The following TOM1L2 variants were observed in gnomAD, a reference collection of about 807,000 sequenced individuals.
The protein encoded by TOM1L2 is TOM1-like protein 2.
A neutral mutation model predicts 67.9 loss-of-function variants in TOM1L2; 31 were observed. The ratio of observed to expected loss-of-function variants is 0.46; its 90% CI spans 0.34 to 0.62. The LOEUF is 0.62. Ranked by LOEUF, TOM1L2 falls within the 20% of genes least tolerant of loss-of-function variation. The pLI, the probability that TOM1L2 is intolerant of heterozygous loss-of-function variation, is 0.01. For missense variants in TOM1L2, 606 were observed against 663.5 expected, an observed-to-expected ratio of 0.91 and a Z score of 0.95; for synonymous variants, 256 against 254.0, an observed-to-expected ratio of 1.01 and a Z score of -0.07.
At chr17:17,883,070 C>G (rs1325320047) in intron 5 of TOM1L2, among the ~76,000 whole-genome samples, 1 of 152,208 alleles carries the variant, frequency 6.6e-6, no homozygotes, top group East Asian at 1.9e-4. Flanking sequence ...GCTCCTCCCT[C>G]TACTTACCTC....
At chr17:17,860,536 G>A (rs2036499261) in intron 12 of TOM1L2, among the ~76,000 whole-genome samples, 1 of 152,204 alleles carries the variant, frequency 6.6e-6, no homozygotes, top group African/African-American at 2.4e-5. Flanking sequence ...TTGGACAGGG[G>A]CTTCAGAAGG....
At chr17:17,910,920 A>G (rs759803066) in intron 1 of TOM1L2, among the ~76,000 whole-genome samples, 20 of 152,134 alleles carry the variant, frequency 1.3e-4, no homozygotes, top group Non-Finnish European at 2.4e-4. Context: ...TTTCTTCTCC[A>G]TTCTCACCAA....
chr17:17,862,777 T>C lies in TOM1L2; in HGVS notation c.1156A>G (p.Met386Val), dbSNP rs1267623734. 8 of 1,613,918 alleles carry C rather than the reference T, an allele frequency of 5.0e-6. No homozygotes were observed. In the African/African-American group the frequency reaches 5.3e-5, roughly 11 times the overall value. ...GAGTTTCCTCTCGTCTGGGCAAACA[T>C]GTCAAAGCCGTCACGGGGATTACAT... ...QQCNPRDGFD[M>V]FAQTRGNSLA... is the part of the protein sequence containing the mutation. Residue 386 changes from methionine (M) to valine (V), a missense_variant, in exon 11 of 15, where the codon ATG becomes GTG. Coordinates refer to ENST00000379504, the MANE Select transcript of TOM1L2 (RefSeq NM_001082968.2).
At chr17:17,900,877 C>T (rs2038821414) in intron 2 of TOM1L2, among the ~76,000 whole-genome samples, 1 of 152,244 alleles carries the variant, frequency 6.6e-6, no homozygotes, top group Non-Finnish European at 1.5e-5. Flanking sequence ...TTTCCTCTCT[C>T]CAAGGCTCTG....
chr17:17,869,308 G>GAA (rs34879782), intron 8 of TOM1L2, 32 bp downstream of exon 8: 32,582 of 1,487,896 alleles, frequency 0.022, 4 homozygotes, highest in Non-Finnish European at 0.026. Context: ...CTTTTCAAGG[G>GAA]AAAAAAAAAA....
chr17:17,918,942 C>T (rs891947961), intron 1 of TOM1L2, among the ~76,000 whole-genome samples: 2 of 152,316 alleles, frequency 1.3e-5, no homozygotes, highest in Admixed American at 6.5e-5. Context: ...ATTATAAACC[C>T]TTCTGAGGCC....
chr17:17,955,465 C>T (rs539195349), intron 1 of TOM1L2, among the ~76,000 whole-genome samples: 21 of 151,826 alleles, frequency 1.4e-4, no homozygotes, highest in African/African-American at 4.3e-4. Context: ...CCATCTCCCA[C>T]GTAGCTGGGA....
intron 12 of TOM1L2, among the ~76,000 whole-genome samples, chr17:17,853,052 G>A (rs894694211): frequency 3.3e-5 from 5 of 152,090 alleles, no homozygotes; most frequent in African/African-American, 1.2e-4. Flanking sequence ...CCCATCAAAA[G>A]GCAGTAGGGT....
chr17:17,947,361 T>C (rs2040995472), intron 1 of TOM1L2, among the ~76,000 whole-genome samples: 1 of 152,204 alleles, frequency 6.6e-6, no homozygotes, highest in Non-Finnish European at 1.5e-5. Flanking sequence ...GTAGGCTAAA[T>C]TGTGCCATCC....
rs535095587 is a variant in TOM1L2, at chr17:17,941,387, C to G, written c.52+30875G>C. Among the ~76,000 whole-genome samples the G allele has an allele frequency of 4.6e-5, 7 of 152,222 alleles. No homozygotes were observed. The East Asian group carries it at 1.2e-3, about 25-fold the overall frequency. ...TGACTATGGACGACTCCCTTATATG[C>G]TTGGCTTCCTTGTTTAAAATCTTGG... On this transcript the variant is annotated intron_variant, in intron 1 of 14. Transcript: ENST00000379504.
chr17:17,867,510 G>C (rs966067352), intron 8 of TOM1L2, among the ~76,000 whole-genome samples: 5 of 152,224 alleles, frequency 3.3e-5, no homozygotes, highest in Admixed American at 3.3e-4. Context: ...AGGCAGTGCA[G>C]GGGGAGTTGG....
At chr17:17,953,468 CAGG>C (rs746054615) in intron 1 of TOM1L2, among the ~76,000 whole-genome samples, 3 of 152,160 alleles carry the variant, frequency 2.0e-5, no homozygotes, top group Non-Finnish European at 2.9e-5. Flanking sequence ...TTCCCCACCT[CAGG>C]AGGACAGAGA....
intron 1 of TOM1L2, among the ~76,000 whole-genome samples, chr17:17,907,975 T>C (rs576710587): frequency 6.6e-6 from 1 of 152,342 alleles, no homozygotes; most frequent in South Asian, 2.1e-4. Context: ...TTAAATGGGT[T>C]GATATACATG....
chr17:17,955,440 G>A (rs1340261757), intron 1 of TOM1L2, among the ~76,000 whole-genome samples: 1 of 148,344 alleles, frequency 6.7e-6, no homozygotes, highest in Non-Finnish European at 1.5e-5. Flanking sequence ...CCGGGTTCAA[G>A]CGATTCTCCA....
Position 17,884,275 on chromosome 17 carries a change from T to C in TOM1L2, c.501+359A>G, listed in dbSNP as rs562777897. ...TTGACCCAAGAGTGACATCAAGCCCTGAGGTGCTATGGTGCTCTGAGGGAC... is the reference window on the plus strand; with the variant it reads ...TTGACCCAAGAGTGACATCAAGCCCCGAGGTGCTATGGTGCTCTGAGGGAC... On this transcript the variant is annotated intron_variant, in intron 5 of 14. Coordinates refer to ENST00000379504, the MANE Select transcript of TOM1L2 (RefSeq NM_001082968.2). Among the ~76,000 whole-genome samples the C allele has an allele frequency of 2.0e-5, 3 of 152,260 alleles. No individual in the cohort carries two copies. The South Asian group carries it at 6.2e-4, about 32-fold the overall frequency.
intron 1 of TOM1L2, among the ~76,000 whole-genome samples, chr17:17,939,430 CAT>C (rs2040640313): frequency 6.6e-6 from 1 of 152,160 alleles, no homozygotes; most frequent in South Asian, 2.1e-4. Flanking sequence ...TAGTTGGATA[CAT>C]GATAGGAAAT....
At chr17:17,925,963 G>T (rs1006582901) in intron 1 of TOM1L2, among the ~76,000 whole-genome samples, 6 of 151,828 alleles carry the variant, frequency 4.0e-5, no homozygotes, top group Non-Finnish European at 5.9e-5. Context: ...TTGAGCCCAG[G>T]AATTCAAAAC....
intron 7 of TOM1L2, among the ~76,000 whole-genome samples, chr17:17,876,002 G>C (rs2037405967): frequency 6.6e-6 from 1 of 152,232 alleles, no homozygotes; most frequent in Non-Finnish European, 1.5e-5. Context: ...AAACGAGGAG[G>C]CCTCTGTTAT....
chr17:17,850,699 G>T (rs111596308), intron 13 of TOM1L2, among the ~76,000 whole-genome samples, 194 bp downstream of exon 13: 38 of 152,242 alleles, frequency 2.5e-4, no homozygotes, highest in African/African-American at 8.9e-4. Context: ...TCCGCAGGCC[G>T]GGAGGCCACT....
Sources: allele counts gnomAD v4.1 joint callset (sites outside exome capture counted in the v4.1 genomes callset), GRCh38; gene constraint gnomAD v4.1.1; transcripts MANE v1.5; gene names NCBI Gene and HGNC (gene_info 2026-07-23, HGNC 2026-07-21).